Variants in ZNF573 observed in about 807,000 individuals in gnomAD.
ZNF573 encodes zinc finger protein 573.
In ZNF573, 41 loss-of-function variants were observed where a neutral mutation model predicts 57.4. The observed-to-expected ratio is 0.71, with a 90% CI of 0.56 to 0.93. ZNF573 has a LOEUF of 0.93. ZNF573 is among the 40% of genes least tolerant of loss of function. ZNF573 has a pLI of 0.00. For synonymous variants in ZNF573, 249 were observed against 261.0 expected, an observed-to-expected ratio of 0.95 and a Z score of 0.44; for missense variants, 730 against 794.8, an observed-to-expected ratio of 0.92 and a Z score of 0.98.
At chr19:37,749,033 A>C (rs1201089799) in intron 4 of ZNF573, among the ~76,000 whole-genome samples, 1 of 151,992 alleles carries the variant, frequency 6.6e-6, no homozygotes, top group South Asian at 2.1e-4. Context: ...AGCATAACAA[A>C]TGTAAGTATA....
chr19:37,768,752 G>A (rs1310766156), intron 4 of ZNF573, among the ~76,000 whole-genome samples: 1 of 151,836 alleles, frequency 6.6e-6, no homozygotes, highest in Admixed American at 6.6e-5. Flanking sequence ...GGCAAGCTCC[G>A]CCTCCCGGGT....
chr19:37,766,249 A>C lies in ZNF573; in HGVS notation c.295+3756T>G, dbSNP rs149996241. Among the ~76,000 whole-genome samples the C allele has an allele frequency of 2.2e-3, 324 of 144,792 alleles. 2 individuals are homozygous for C. Among genetic ancestry groups the C allele is most frequent in the African/African-American group, 7.7e-3 (298 of 38,510 alleles). 95.0% of individuals were successfully genotyped at this position (144,792 alleles called of 152,430 possible). ...CATTGAGCATAAATGACTGCTAAAA[A>C]TCACAGAGAGACAACCAGAAGGTTT... On this transcript the variant is annotated intron_variant, in intron 4 of 4. Transcript: ENST00000536220.
chr19:37,777,546 T>C (rs1037044046), intron 1 of ZNF573, among the ~76,000 whole-genome samples: 1 of 152,074 alleles, frequency 6.6e-6, no homozygotes, highest in Non-Finnish European at 1.5e-5. Context: ...AACTCAGGAA[T>C]GGAAAACCAA....
chr19:37,745,154 A>G (rs1186100545), intron 4 of ZNF573, among the ~76,000 whole-genome samples: 2 of 151,130 alleles, frequency 1.3e-5, no homozygotes, highest in Non-Finnish European at 2.9e-5. Context: ...GGCTCACTGC[A>G]ACCTTTGCCT....
Position 37,739,252 on chromosome 19 carries a change from G to A in ZNF573, c.1238C>T (p.Pro413Leu). ...QHQKTHTGEK[P>L]YECKECGKAF... ...CTTTCCGCATTCCTTGCATTCATAGGGTTTCTCGCCAGTATGAGTTTTCTG... is the reference window on the plus strand; with the variant it reads ...CTTTCCGCATTCCTTGCATTCATAGAGTTTCTCGCCAGTATGAGTTTTCTG... The change falls in exon 5 of 5, where the codon CCC becomes CTC. Residue 413 changes from proline (P) to leucine (L), a missense_variant. Pro to Leu is a moderately conservative substitution (Grantham distance 98). Transcript: ENST00000536220. The A allele has an allele frequency of 1.2e-6, 2 of 1,613,956 alleles. No homozygotes were observed. The highest frequency in any genetic ancestry group is 2.2e-5 in the South Asian group (2 of 91,066).
chr19:37,749,261 A>G (rs966836430), intron 4 of ZNF573, among the ~76,000 whole-genome samples: 3 of 151,682 alleles, frequency 2.0e-5, no homozygotes, highest in Non-Finnish European at 4.4e-5. Flanking sequence ...AAGGTAATTA[A>G]CTGTATATAT....
intron 4 of ZNF573, among the ~76,000 whole-genome samples, chr19:37,765,805 G>A (rs892809509): frequency 2.0e-5 from 3 of 152,052 alleles, no homozygotes; most frequent in African/African-American, 7.2e-5. Flanking sequence ...TTGGGAAGCC[G>A]AGTCCGGTAG....
In ZNF573 at chr19:37,738,629, G is replaced by A. The variant is rs1332398684; in HGVS notation, c.1861C>T (p.Arg621Cys). 2.5e-6 allele frequency: 4 copies of A among 1,611,908 alleles called. No individual in the cohort carries two copies. Among genetic ancestry groups the A allele is most frequent in the Middle Eastern group, 1.7e-4 (1 of 6,042 alleles). The change falls in exon 5 of 5, where the codon CGT becomes TGT. Residue 621 changes from arginine to cysteine, a missense_variant. Arg to Cys is a radical substitution (Grantham distance 180). Coordinates refer to ENST00000536220, the MANE Select transcript of ZNF573 (RefSeq NM_001172690.2). ...TCATGTTGAACAAGGTTTGAAGCACGACTGAAGGCCTTCCCACATTCTTTA... is the reference window on the plus strand; with the variant it reads ...TCATGTTGAACAAGGTTTGAAGCACAACTGAAGGCCTTCCCACATTCTTTA... Reference protein sequence around the residue: ...ECKECGKAFSRASNLVQHERI... With the variant: ...ECKECGKAFSCASNLVQHERI...
chr19:37,764,825 G>A (rs990677407), intron 4 of ZNF573, among the ~76,000 whole-genome samples: 66 of 151,002 alleles, frequency 4.4e-4, no homozygotes, highest in Admixed American at 2.0e-4. Context: ...GGATGGTCTC[G>A]ATCTCCTGAC....
At chr19:37,769,260 G>A (rs926050194) in intron 4 of ZNF573, among the ~76,000 whole-genome samples, 5 of 151,606 alleles carry the variant, frequency 3.3e-5, no homozygotes, top group African/African-American at 9.7e-5. Flanking sequence ...GAGCCACTGC[G>A]CCCAGCCTAC....
intron 4 of ZNF573, among the ~76,000 whole-genome samples, chr19:37,741,355 C>G (rs2045325551): frequency 1.3e-5 from 2 of 152,120 alleles, no homozygotes; most frequent in African/African-American, 4.8e-5. Context: ...GCCTTGTACT[C>G]TTCCAGCTCA....
chr19:37,778,008 G>C (rs902731529), intron 1 of ZNF573, among the ~76,000 whole-genome samples: 2 of 129,636 alleles, frequency 1.5e-5, no homozygotes, highest in African/African-American at 5.8e-5. Context: ...CTGGGCGACA[G>C]AGCGAGACTC....
chr19:37,767,435 G>A (rs1006332504), intron 4 of ZNF573, among the ~76,000 whole-genome samples: 4 of 151,964 alleles, frequency 2.6e-5, no homozygotes, highest in East Asian at 1.9e-4. Context: ...GGGTTTCGCC[G>A]TTTTAGCCAG....
chr19:37,770,431 C>T (rs1246486761), intron 3 of ZNF573: 4 of 202,492 alleles, frequency 2.0e-5, no homozygotes, highest in Admixed American at 5.7e-5. Context: ...CATGTGACTT[C>T]AACTCATTAT....
chr19:37,770,832 T>TTATATATATATATATATATA lies in ZNF573; in HGVS notation c.202+712_202+731dup, dbSNP rs58757674. On this transcript the variant is annotated intron_variant, in intron 3 of 4. Transcript: ENST00000536220. ...ACAGTTCTTTCAGGATTAAGTTATTTTATATATATATATATATATATATAT... is the reference window on the plus strand; with the variant it reads ...ACAGTTCTTTCAGGATTAAGTTATTTTATATATATATATATATATATATATATATATATATATATATATAT... 5.2e-3 allele frequency among the ~76,000 whole-genome samples: 482 copies of TTATATATATATATATATATA among 93,536 alleles called. 20 individuals are homozygous for TTATATATATATATATATATA. The highest frequency in any genetic ancestry group is 0.012 in the East Asian group (15 of 1,268). 61.4% of individuals were successfully genotyped at this position (93,536 alleles called of 152,430 possible).
At chr19:37,740,516 A>G (rs988418959) in intron 4 of ZNF573, 12 of 461,934 alleles carry the variant, frequency 2.6e-5, no homozygotes, top group African/African-American at 2.0e-4. Flanking sequence ...TGACATCTTT[A>G]TTTTGAACCT....
intron 4 of ZNF573, chr19:37,759,052 T>G: frequency 3.6e-6 from 2 of 548,472 alleles, no homozygotes; most frequent in Non-Finnish European, 4.6e-6. Flanking sequence ...CACACCTGTA[T>G]TTTCAGCACT....
intron 2 of ZNF573, 64 bp from the exon 3 acceptor site, chr19:37,771,760 A>G: frequency 6.6e-7 from 1 of 1,505,738 alleles, no homozygotes; most frequent in South Asian, 1.3e-5. Context: ...GGAGATTACA[A>G]GAGCACATTA....
intron 4 of ZNF573, among the ~76,000 whole-genome samples, chr19:37,764,776 T>C (rs995011689): frequency 6.6e-6 from 1 of 150,972 alleles, no homozygotes; most frequent in African/African-American, 2.4e-5. Context: ...ACAAACTTTT[T>C]GTATTTTTTG....
Sources: gnomAD v4.1 joint callset for allele counts (sites outside exome capture counted in the v4.1 genomes callset) on GRCh38, gnomAD v4.1.1 for gene constraint, MANE v1.5 for transcripts, NCBI Gene and HGNC (gene_info 2026-07-23, HGNC 2026-07-21) for gene names.